ZNF521: variants seen among roughly 807,000 people sequenced by gnomAD.
ZNF521 encodes zinc finger protein 521, also known as LYST-interacting protein 3.
A neutral mutation model predicts 105.5 loss-of-function variants in ZNF521; 14 were observed. That is an observed-to-expected ratio of 0.13 (90% confidence interval 0.09 to 0.21). The LOEUF is 0.21. Among genes scored for constraint, ZNF521 ranks in the 10% least tolerant of loss-of-function variants. The pLI, the probability that ZNF521 is intolerant of heterozygous loss-of-function variation, is 1.00. For missense variants in ZNF521, 1,233 were observed against 1,629.7 expected (o/e 0.76, Z 4.19); for synonymous variants, 635 against 606.0 (o/e 1.05, Z -0.70).
chr18:25,095,895 C>T (rs377273146), intron 5 of ZNF521, among the ~76,000 whole-genome samples: 4 of 152,104 alleles, frequency 2.6e-5, no homozygotes, highest in African/African-American at 9.7e-5. Context: ...ACACAGAATA[C>T]CCCTCTCTGT....
chr18:25,226,928 G>A lies in ZNF521; in HGVS notation c.990C>T (p.Asp330=). ...TGCATGACTCCGGTTGCTGGTGACT[G>A]TCCATGTGGCTGTACAGTTCCTCAA... ...HTVEELYSHM[D]SHQQPESCNH... Residue 330 remains aspartate (D), a synonymous_variant, in exon 4 of 8, where the codon GAC becomes GAT. Transcript: ENST00000361524. This position sits in a 1 kb window ranked among gnomAD's most constrained non-coding sequence, Gnocchi z 4.1. 2.5e-6 allele frequency: 4 copies of A among 1,613,884 alleles called. No individual in the cohort carries two copies. Among genetic ancestry groups the A allele is most frequent in the Non-Finnish European group, 3.4e-6 (4 of 1,179,994 alleles).
chr18:25,209,512 C>T (rs1170725338), intron 4 of ZNF521, among the ~76,000 whole-genome samples: 3 of 152,310 alleles, frequency 2.0e-5, no homozygotes, highest in African/African-American at 7.2e-5. Flanking sequence ...TATGTAAATA[C>T]TGTGTATGTG....
chr18:25,127,494 A>G (rs949983641), intron 5 of ZNF521, among the ~76,000 whole-genome samples: 1 of 152,098 alleles, frequency 6.6e-6, no homozygotes, highest in Non-Finnish European at 1.5e-5. Flanking sequence ...TCGTTAAAAA[A>G]GGAAACTGAG....
At chr18:25,064,967 C>T (rs2033015201) in intron 7 of ZNF521, among the ~76,000 whole-genome samples, 1 of 152,100 alleles carries the variant, frequency 6.6e-6, no homozygotes, top group Non-Finnish European at 1.5e-5. Context: ...ATTTTTAATA[C>T]TTCTGAAAAG....
At chr18:25,209,280 C>T (rs374849670) in intron 4 of ZNF521, among the ~76,000 whole-genome samples, 99 of 151,972 alleles carry the variant, frequency 6.5e-4, no homozygotes, top group East Asian at 6.4e-3. Context: ...TACAGGCGCG[C>T]GCCACCACAC....
intron 7 of ZNF521, among the ~76,000 whole-genome samples, chr18:25,078,049 T>A (rs775475497): frequency 1.3e-5 from 2 of 152,120 alleles, no homozygotes; most frequent in Non-Finnish European, 2.9e-5. Flanking sequence ...AAAATGGTGG[T>A]TTAAAGCTCA....
At chr18:25,139,991 C>T (rs1290102995) in intron 5 of ZNF521, among the ~76,000 whole-genome samples, 1 of 152,188 alleles carries the variant, frequency 6.6e-6, no homozygotes, top group Non-Finnish European at 1.5e-5. Flanking sequence ...TCACCAGACA[C>T]ACAATCTGCA....
intron 3 of ZNF521, among the ~76,000 whole-genome samples, chr18:25,301,116 T>G (rs1600277791): frequency 1.3e-5 from 2 of 152,312 alleles, no homozygotes; most frequent in Non-Finnish European, 2.9e-5. Context: ...TATACCCAGT[T>G]TTACGGTGTT....
At chr18:25,137,179 C>T (rs2034751246) in intron 5 of ZNF521, among the ~76,000 whole-genome samples, 1 of 152,170 alleles carries the variant, frequency 6.6e-6, no homozygotes, top group African/African-American at 2.4e-5. Context: ...AATGTCCTTC[C>T]TGAAAACTCC....
chr18:25,201,776 T>C (rs2035997169), intron 4 of ZNF521: 1 of 152,158 alleles, frequency 6.6e-6, no homozygotes, highest in African/African-American at 2.4e-5. Flanking sequence ...CTCTAGATTT[T>C]CTTTCTGTAA....
chr18:25,117,929 A>G (rs2034361017), intron 5 of ZNF521, among the ~76,000 whole-genome samples: 5 of 152,116 alleles, frequency 3.3e-5, no homozygotes, highest in Admixed American at 3.3e-4. Flanking sequence ...AAAACCACAT[A>G]AGCATATCCT....
At chr18:25,124,965 T>C (rs1310387837) in intron 5 of ZNF521, among the ~76,000 whole-genome samples, 2 of 152,214 alleles carry the variant, frequency 1.3e-5, no homozygotes, top group Admixed American at 1.3e-4. Flanking sequence ...TATGGCATTA[T>C]GTTAAAACAT....
intron 2 of ZNF521, 99 bp downstream of exon 2, chr18:25,350,808 C>T (rs1914715289): frequency 1.5e-6 from 2 of 1,374,108 alleles, no homozygotes; most frequent in South Asian, 1.3e-5. Context: ...CACTCACACT[C>T]ACGCGCGCAC....
intron 3 of ZNF521, among the ~76,000 whole-genome samples, chr18:25,284,575 G>C (rs1406050343): frequency 6.6e-6 from 1 of 152,168 alleles, no homozygotes; most frequent in African/African-American, 2.4e-5. Flanking sequence ...ATTAAAAAGA[G>C]AGGCAGAGTC....
chr18:25,230,500 C>A (rs1323259803), intron 3 of ZNF521, among the ~76,000 whole-genome samples: 2 of 152,132 alleles, frequency 1.3e-5, no homozygotes, highest in African/African-American at 4.8e-5. Flanking sequence ...GTTATCCATC[C>A]CCATTAACTT....
intron 2 of ZNF521, chr18:25,327,500 A>C (rs1375292139): frequency 1.1e-6 from 1 of 928,378 alleles, no homozygotes; most frequent in Non-Finnish European, 1.4e-6. Context: ...ATCTGAAAGC[A>C]CTCCTCCCCT....
At chr18:25,077,528 T>C (rs748495493) in intron 7 of ZNF521, among the ~76,000 whole-genome samples, 6 of 69,140 alleles carry the variant, frequency 8.7e-5, no homozygotes, top group Non-Finnish European at 1.4e-4. Flanking sequence ...CTTTCTCCTC[T>C]TATGTTTTTT....
intron 3 of ZNF521, among the ~76,000 whole-genome samples, chr18:25,300,983 G>GC (rs1379268546): frequency 1.3e-5 from 2 of 152,102 alleles, no homozygotes; most frequent in Admixed American, 6.6e-5. Flanking sequence ...CTCTAACAAT[G>GC]CAACAGCTAT....
At chr18:25,308,797 T>A (rs1239490419) in intron 3 of ZNF521, among the ~76,000 whole-genome samples, 1 of 152,136 alleles carries the variant, frequency 6.6e-6, no homozygotes, top group Non-Finnish European at 1.5e-5. Context: ...CATAGTGGTA[T>A]TGGGAAAACA....
Sources: gnomAD v4.1 joint callset for allele counts (sites outside exome capture counted in the v4.1 genomes callset) on GRCh38, gnomAD v4.1.1 for gene constraint, Gnocchi (gnomAD v3.1) non-coding constraint, MANE v1.5 for transcripts, NCBI Gene and HGNC (gene_info 2026-07-23, HGNC 2026-07-21) for gene names.